Variants in FAM169A observed in about 807,000 individuals in gnomAD.
FAM169A encodes the protein soluble lamin-associated protein of 75 kDa.
A neutral mutation model predicts 75.7 loss-of-function variants in FAM169A; 24 were observed. The ratio of observed to expected loss-of-function variants is 0.32; its 90% confidence interval spans 0.23 to 0.45. The LOEUF (loss-of-function observed/expected upper bound fraction) is 0.45, where lower values mean the gene tolerates loss of function less well. FAM169A is among the 20% of genes least tolerant of loss of function. FAM169A has a pLI of 1.00. For synonymous variants in FAM169A, 271 were observed against 271.0 expected (o/e 1.00, Z 0.00); for missense variants, 673 against 784.0 (o/e 0.86, Z 1.69).
At chr5:74,864,924 T>G (rs904233879) in intron 1 of FAM169A, among the ~76,000 whole-genome samples, 1 of 152,218 alleles carries the variant, frequency 6.6e-6, no homozygotes, top group Non-Finnish European at 1.5e-5. Flanking sequence ...ATAAAAATCT[T>G]TCCTCTTGTA....
Position 74,801,037 on chromosome 5 carries a change from A to G in FAM169A, c.953-7T>C. 1 of 1,526,890 alleles carries G rather than the reference A, an allele frequency of 6.5e-7. No individual in the cohort carries two copies. The highest frequency in any genetic ancestry group is 2.5e-5 in the East Asian group (1 of 40,006). The allele number at this position is 1,526,890 out of a possible 1,614,324, so 94.6% of individuals were successfully genotyped here. ...ACAGATGTTTTATCATGACCTGAGG[A>G]GAAAAACAGCAAAACTGCACTTAAT... is the stretch of plus-strand genomic sequence containing the variant. On this transcript the variant is annotated splice_region_variant and splice_polypyrimidine_tract_variant and intron_variant, in intron 9 of 12. Transcript: ENST00000687041.
rs370884414 is a variant in FAM169A at position 74,781,699 on chromosome 5, T to C, written c.1774A>G (p.Ile592Val). The C allele has an allele frequency of 1.2e-6, 2 of 1,614,134 alleles. No homozygotes were observed. The highest frequency in any genetic ancestry group is 1.7e-6 in the Non-Finnish European group (2 of 1,180,004). The change falls in exon 13 of 13, where the codon ATA (isoleucine) becomes GTA (valine). Residue 592 changes from isoleucine to valine, a missense_variant. By Grantham distance (29) the Ile-to-Val change is conservative. Around this residue, in one of 3 missense-constraint regions of FAM169A, gnomAD observed 510 missense variants for 550.9 expected, o/e 0.93. Transcript: ENST00000687041. ...GGCACGTCTTCAAGTTCAACCTCTATCAAAGAACTCTGAGGAAGAGCAGTA... is the reference window on the plus strand; with the variant it reads ...GGCACGTCTTCAAGTTCAACCTCTACCAAAGAACTCTGAGGAAGAGCAGTA... ...TSTALPQSSL[I>V]EVELEDVPFS...
In FAM169A at chr5:74,780,211, CA is replaced by C. The variant is rs1745342511; in HGVS notation, c.*1248del. On this transcript the variant is annotated 3_prime_UTR_variant, in exon 13 of 13. Coordinates refer to ENST00000687041, the MANE Select transcript of FAM169A (RefSeq NM_001376049.1). ...CTTGCAACCAGTACTCAGTACAAATCAAAGGATGATTGAAGCCTCCAATATG... is the reference window on the plus strand; with the variant it reads ...CTTGCAACCAGTACTCAGTACAAATCAAGGATGATTGAAGCCTCCAATATG... 1 of 152,114 alleles carries C rather than the reference CA, an allele frequency of 6.6e-6. No individual in the cohort carries two copies. Among genetic ancestry groups the C allele is most frequent in the African/African-American group, 2.4e-5 (1 of 41,408 alleles). The allele number at this position is 152,114 out of a possible 1,614,324, so 9.4% of individuals were successfully genotyped here. A position where few individuals can be genotyped will look rare whatever the true frequency, so the allele number is the denominator to read the frequency against.
Position 74,777,593 on chromosome 5 carries a change from T to C in FAM169A, c.*3867A>G, listed in dbSNP as rs1745185200. 6.6e-6 allele frequency: 1 copy of C among 152,018 alleles called. No individual in the cohort carries two copies. The highest frequency in any genetic ancestry group is 2.1e-4 in the South Asian group (1 of 4,834). 9.4% of individuals were successfully genotyped at this position (152,018 alleles called of 1,614,324 possible). ...ACCACATTGTTTTAAATTGTTTATT[T>C]TTTTTTTAAAGAAGTCTGTCTTCAG... On this transcript the variant is annotated 3_prime_UTR_variant, in exon 13 of 13. Coordinates refer to ENST00000687041, the MANE Select transcript of FAM169A (RefSeq NM_001376049.1).
Position 74,781,941 on chromosome 5 carries a change from T to A in FAM169A, c.1532A>T (p.Glu511Val), listed in dbSNP as rs1408401319. Reference protein sequence around the residue: ...EGTSDEKGHMEEKLSLLPRKK... With the variant: ...EGTSDEKGHMVEKLSLLPRKK... ...TCTTGGAAGTAGGGACAATTTCTCTTCCATGTGCCCCTTTTCATCAGATGT... is the reference window on the plus strand; with the variant it reads ...TCTTGGAAGTAGGGACAATTTCTCTACCATGTGCCCCTTTTCATCAGATGT... Residue 511 changes from glutamate (E) to valine (V), a missense_variant, in exon 13 of 13, where the codon GAA (glutamate) becomes GTA (valine). Physicochemically the swap from Glu to Val is moderately radical, Grantham distance 121 (BLOSUM62 -2). Around this residue, in one of 3 missense-constraint regions of FAM169A, gnomAD observed 510 missense variants for 550.9 expected, o/e 0.93. Coordinates refer to ENST00000687041, the MANE Select transcript of FAM169A (RefSeq NM_001376049.1). 2 of 1,613,924 alleles carry A rather than the reference T, an allele frequency of 1.2e-6. No individual in the cohort carries two copies. Among genetic ancestry groups the A allele is most frequent in the African/African-American group, 2.7e-5 (2 of 74,914 alleles).
chr5:74,834,158 G>A (rs1748455398), intron 5 of FAM169A, among the ~76,000 whole-genome samples: 1 of 152,128 alleles, frequency 6.6e-6, no homozygotes, highest in South Asian at 2.1e-4. Context: ...AGACAAATAT[G>A]AGGTTCAACG....
intron 5 of FAM169A, among the ~76,000 whole-genome samples, chr5:74,817,800 G>A (rs1412691763): frequency 1.3e-5 from 2 of 152,086 alleles, no homozygotes; most frequent in Non-Finnish European, 2.9e-5. Context: ...TTACTGGCAT[G>A]GGAACACATA....
At chr5:74,830,019 A>T (rs577194874) in intron 5 of FAM169A, among the ~76,000 whole-genome samples, 1 of 152,270 alleles carries the variant, frequency 6.6e-6, no homozygotes, top group Admixed American at 6.5e-5. Flanking sequence ...TCACTTAATG[A>T]TTTATTCCCT....
intron 5 of FAM169A, among the ~76,000 whole-genome samples, chr5:74,824,485 T>C (rs1418974463): frequency 6.6e-6 from 1 of 152,174 alleles, no homozygotes; most frequent in Non-Finnish European, 1.5e-5. Context: ...AGCACAGCCC[T>C]TTAACAGATA....
intron 5 of FAM169A, among the ~76,000 whole-genome samples, chr5:74,834,183 C>T (rs1156688336): frequency 6.6e-6 from 1 of 152,060 alleles, no homozygotes; most frequent in Non-Finnish European, 1.5e-5. Flanking sequence ...ACTGTGTCTC[C>T]ATATATATGG....
intron 1 of FAM169A, among the ~76,000 whole-genome samples, chr5:74,864,251 T>C (rs1189967050): frequency 6.6e-6 from 1 of 152,256 alleles, no homozygotes; most frequent in Non-Finnish European, 1.5e-5. Flanking sequence ...ATATTCCATC[T>C]TGGTGTTTCA....
intron 5 of FAM169A, among the ~76,000 whole-genome samples, chr5:74,830,761 A>T (rs1426484430): frequency 6.6e-6 from 1 of 152,156 alleles, no homozygotes; most frequent in Non-Finnish European, 1.5e-5. Flanking sequence ...TTGAAACTAT[A>T]ATGTCTGAAA....
intron 4 of FAM169A, among the ~76,000 whole-genome samples, chr5:74,837,553 C>G (rs1748631798): frequency 6.6e-6 from 1 of 152,186 alleles, no homozygotes; most frequent in African/African-American, 2.4e-5. Flanking sequence ...TAAAAACACC[C>G]TAGTAACCCG....
At chr5:74,818,803 C>CTATATATATATATATA (rs58520219) in intron 5 of FAM169A, among the ~76,000 whole-genome samples, 1 of 121,620 alleles carries the variant, frequency 8.2e-6, no homozygotes, top group Non-Finnish European at 1.7e-5. Context: ...CTCTCTCTCT[C>CTATATATATATATATA]TATATATATA....
At chr5:74,829,381 C>G (rs1255560444) in intron 5 of FAM169A, among the ~76,000 whole-genome samples, 1 of 152,142 alleles carries the variant, frequency 6.6e-6, no homozygotes, top group African/African-American at 2.4e-5. Flanking sequence ...CTTGTGAATG[C>G]AAGTCACCAC....
At position 74,804,140 on chromosome 5, in the gene FAM169A, A is replaced by G. The variant is rs951460452; in HGVS notation, c.912+353T>C. ...GAGAATAAAAATAAAAATACAATATATACAGATACATGCTTTATAATATGC... is the reference window on the plus strand; with the variant it reads ...GAGAATAAAAATAAAAATACAATATGTACAGATACATGCTTTATAATATGC... On this transcript the variant is annotated intron_variant, in intron 8 of 12. Coordinates refer to ENST00000687041, the MANE Select transcript of FAM169A (RefSeq NM_001376049.1). Among the ~76,000 whole-genome samples the G allele has an allele frequency of 2.0e-5, 3 of 152,140 alleles. No individual in the cohort carries two copies. The East Asian group carries it at 5.8e-4, about 29-fold the overall frequency.
chr5:74,851,258 A>G (rs1749431474), intron 1 of FAM169A, among the ~76,000 whole-genome samples: 2 of 152,238 alleles, frequency 1.3e-5, no homozygotes, highest in Admixed American at 1.3e-4. Flanking sequence ...CTCACTTCGT[A>G]GTGCAGTCTC....
chr5:74,800,428 C>A lies in FAM169A; in HGVS notation c.1103+452G>T, dbSNP rs574853628. ...GCGGGGGGAAAAAAACTGACTATAT[C>A]TCAGCATTACTTAAAACCATACCAT... is the stretch of plus-strand genomic sequence containing the variant. On this transcript the variant is annotated intron_variant, in intron 10 of 12. Transcript: ENST00000687041. Among the ~76,000 whole-genome samples, 12 of 152,176 alleles carry A rather than the reference C, an allele frequency of 7.9e-5. No homozygotes were observed. In the South Asian group the frequency reaches 1.5e-3, roughly 18 times the overall value.
intron 10 of FAM169A, 69 bp downstream of exon 10, chr5:74,800,811 T>C (rs908937741): frequency 1.1e-5 from 7 of 628,148 alleles, no homozygotes; most frequent in Non-Finnish European, 1.3e-5. Context: ...TAAATATTGA[T>C]AATATAAAAG....
Sources: allele counts gnomAD v4.1 joint callset (sites outside exome capture counted in the v4.1 genomes callset), GRCh38; gene constraint gnomAD v4.1.1; regional missense constraint gnomAD v4.1.1; transcripts MANE v1.5; gene names NCBI Gene and HGNC (gene_info 2026-07-23, HGNC 2026-07-21).